METTL24: variants seen among roughly 807,000 people sequenced by gnomAD.
The protein encoded by METTL24 is methyltransferase like 24, also known as probable methyltransferase-like protein 24.
A neutral mutation model predicts 32.7 loss-of-function variants in METTL24; 29 were observed. The observed-to-expected ratio is 0.89, with a 90% CI of 0.66 to 1.21. METTL24 has a LOEUF of 1.21. METTL24 is among the 50% of genes most tolerant of loss of function. The probability of loss-of-function intolerance (pLI) is 0.00; values close to 1 mark genes in which losing one functional copy is unlikely to be tolerated. For missense variants in METTL24, 439 were observed against 468.1 expected (o/e 0.94, Z 0.57); for synonymous variants, 163 against 179.5 (o/e 0.91, Z 0.73).
At chr6:110,308,273 A>C (rs1329881042) in intron 3 of METTL24, among the ~76,000 whole-genome samples, 3 of 152,214 alleles carry the variant, frequency 2.0e-5, no homozygotes, top group African/African-American at 7.2e-5. Context: ...CATGCCCTTT[A>C]ACACTGCTGA....
At chr6:110,353,410 T>A (rs544618767) in intron 1 of METTL24, among the ~76,000 whole-genome samples, 3 of 138,152 alleles carry the variant, frequency 2.2e-5, no homozygotes, top group African/African-American at 7.5e-5. Context: ...GTTGGACATA[T>A]CAGGGGGCAT....
intron 3 of METTL24, among the ~76,000 whole-genome samples, chr6:110,307,590 CA>C (rs1471299921): frequency 6.6e-6 from 1 of 152,142 alleles, no homozygotes; most frequent in East Asian, 1.9e-4. Flanking sequence ...GGAAGTTGCA[CA>C]CATCACTTCC....
intron 4 of METTL24, among the ~76,000 whole-genome samples, chr6:110,275,115 TA>T (rs1771025483): frequency 6.6e-6 from 1 of 151,820 alleles, no homozygotes; most frequent in South Asian, 2.1e-4. Flanking sequence ...CTGATATTTT[TA>T]ATGACCTATG....
At chr6:110,264,425 T>C (rs375346581) in intron 4 of METTL24, among the ~76,000 whole-genome samples, 3,245 of 152,032 alleles carry the variant, frequency 0.021, 113 homozygotes, top group African/African-American at 0.074. Flanking sequence ...CAATGAGATA[T>C]CATCTCACAC....
intron 1 of METTL24, among the ~76,000 whole-genome samples, chr6:110,342,691 T>C (rs1221832799): frequency 6.6e-6 from 1 of 152,202 alleles, no homozygotes; most frequent in African/African-American, 2.4e-5. Flanking sequence ...ACTCCTTTCC[T>C]AGTAGCAGTT....
chr6:110,277,433 T>TA (rs911022990), intron 4 of METTL24, among the ~76,000 whole-genome samples: 2 of 152,196 alleles, frequency 1.3e-5, no homozygotes, highest in Non-Finnish European at 2.9e-5. Flanking sequence ...GTAGCAACTC[T>TA]AAACTTCATT....
At position 110,296,206 on chromosome 6, in the gene METTL24, C is replaced by T. The variant is rs527443994; in HGVS notation, c.786+2716G>A. Among the ~76,000 whole-genome samples the T allele has an allele frequency of 2.0e-5, 3 of 152,282 alleles. No individual in the cohort carries two copies. In the South Asian group the frequency reaches 6.2e-4, roughly 32 times the overall value. On this transcript the variant is annotated intron_variant, in intron 4 of 4. Coordinates refer to ENST00000338882, the MANE Select transcript of METTL24 (RefSeq NM_001123364.3). The stretch of plus-strand genomic sequence containing the variant: ...TAATTCCTCATTAACTAGCTCGGAT[C>T]ATTGAGGATACTCTGAATGTAACAA...
intron 3 of METTL24, among the ~76,000 whole-genome samples, chr6:110,310,927 T>C (rs908839780): frequency 6.6e-6 from 1 of 152,202 alleles, no homozygotes; most frequent in African/African-American, 2.4e-5. Flanking sequence ...ATCCATTGTC[T>C]TCGGTTTGCC....
chr6:110,307,380 C>T (rs1464302129), intron 3 of METTL24, among the ~76,000 whole-genome samples: 1 of 152,150 alleles, frequency 6.6e-6, no homozygotes, highest in African/African-American at 2.4e-5. Flanking sequence ...TGCTATTTAA[C>T]TAGAAGGAGA....
chr6:110,291,545 A>G (rs1190184083), intron 4 of METTL24, among the ~76,000 whole-genome samples: 1 of 152,180 alleles, frequency 6.6e-6, no homozygotes, highest in Non-Finnish European at 1.5e-5. Context: ...GATTTTTAAA[A>G]AAAACTTCTA....
At chr6:110,337,271 G>A (rs746732875) in intron 1 of METTL24, among the ~76,000 whole-genome samples, 103 of 152,294 alleles carry the variant, frequency 6.8e-4, no homozygotes, top group Non-Finnish European at 1.2e-3. Flanking sequence ...GGTTCTACTT[G>A]AGGGTCGAGG....
At chr6:110,343,063 C>T (rs1582440789) in intron 1 of METTL24, among the ~76,000 whole-genome samples, 2 of 152,208 alleles carry the variant, frequency 1.3e-5, no homozygotes, top group East Asian at 3.9e-4. Context: ...TAGGTATATA[C>T]CTGGAATGCA....
intron 4 of METTL24, among the ~76,000 whole-genome samples, chr6:110,261,017 A>T (rs1770710785): frequency 6.6e-6 from 1 of 152,180 alleles, no homozygotes. Context: ...AAAACATGCC[A>T]AATTGTAAAG....
intron 4 of METTL24, among the ~76,000 whole-genome samples, chr6:110,271,356 C>T (rs1001278636): frequency 2.6e-5 from 4 of 152,096 alleles, no homozygotes; most frequent in Non-Finnish European, 5.9e-5. Context: ...AGTACAGTGG[C>T]GTAATCTTGG....
At chr6:110,343,903 T>G (rs1379459078) in intron 1 of METTL24, among the ~76,000 whole-genome samples, 1 of 152,078 alleles carries the variant, frequency 6.6e-6, no homozygotes, top group Non-Finnish European at 1.5e-5. Flanking sequence ...GGTGAAACAC[T>G]GAGGTAGCAG....
chr6:110,284,303 C>T (rs1728740307), intron 4 of METTL24, among the ~76,000 whole-genome samples: 1 of 152,108 alleles, frequency 6.6e-6, no homozygotes, highest in African/African-American at 2.4e-5. Context: ...TGTGAATGTA[C>T]TTAACACTAC....
chr6:110,298,776 CTCT>C, intron 4 of METTL24, 143 bp downstream of exon 4: 1 of 690,652 alleles, frequency 1.4e-6, no homozygotes, highest in South Asian at 1.9e-5. Context: ...CTAGAGTTGA[CTCT>C]ATAAATAATG....
At chr6:110,341,712 C>T (rs12524594) in intron 1 of METTL24, among the ~76,000 whole-genome samples, 13,370 of 152,206 alleles carry the variant, frequency 0.088, 631 homozygotes, top group Non-Finnish European at 0.1. Context: ...GCAGAAAGAA[C>T]ATGAAATCTG....
chr6:110,290,526 T>C (rs1562227137), intron 4 of METTL24, among the ~76,000 whole-genome samples: 2 of 152,378 alleles, frequency 1.3e-5, no homozygotes, highest in South Asian at 2.1e-4. Context: ...TTCCTTTTCA[T>C]TGATCAGTGG....
Sources: gnomAD v4.1 joint callset for allele counts (sites outside exome capture counted in the v4.1 genomes callset) on GRCh38, gnomAD v4.1.1 for gene constraint, MANE v1.5 for transcripts, NCBI Gene and HGNC (gene_info 2026-07-23, HGNC 2026-07-21) for gene names.